Variants in ZNF385B observed in about 807,000 individuals in gnomAD.
The protein encoded by ZNF385B is zinc finger protein 533.
ZNF385B carries 23 observed loss-of-function variants against 39.2 expected under a neutral mutation model. That is an observed-to-expected ratio of 0.59 (90% CI 0.42 to 0.83). The LOEUF (loss-of-function observed/expected upper bound fraction) is 0.83, where lower values mean the gene tolerates loss of function less well. ZNF385B is among the 40% of genes least tolerant of loss of function. The pLI, the probability that ZNF385B is intolerant of heterozygous loss-of-function variation, is 0.00. For synonymous variants in ZNF385B, 205 were observed against 222.6 expected (o/e 0.92, Z 0.70); for missense variants, 552 against 598.9 (o/e 0.92, Z 0.82).
chr2:179,758,080 G>C (rs1208138534), intron 3 of ZNF385B, among the ~76,000 whole-genome samples: 1 of 152,078 alleles, frequency 6.6e-6, no homozygotes, highest in East Asian at 1.9e-4. Flanking sequence ...GAGTGGAGCT[G>C]TTCCTATTTG....
At chr2:179,820,036 T>G (rs182972188) in intron 1 of ZNF385B, among the ~76,000 whole-genome samples, 4 of 152,290 alleles carry the variant, frequency 2.6e-5, no homozygotes, top group Admixed American at 2.6e-4. Flanking sequence ...ACCCTTAGAA[T>G]GTTTATGTAT....
intron 1 of ZNF385B, among the ~76,000 whole-genome samples, chr2:179,827,112 A>C (rs544447667): frequency 6.6e-6 from 1 of 152,350 alleles, no homozygotes; most frequent in Non-Finnish European, 1.5e-5. Context: ...CAAGTACCAG[A>C]TACTTTATTA....
intron 4 of ZNF385B, among the ~76,000 whole-genome samples, chr2:179,542,511 ATAT>A (rs1559442948): frequency 3.7e-4 from 57 of 152,340 alleles, no homozygotes; most frequent in African/African-American, 1.3e-3. Flanking sequence ...TTTCTCAAAT[ATAT>A]CATAAGATTA....
At chr2:179,835,318 C>T (rs1399458692) in intron 1 of ZNF385B, among the ~76,000 whole-genome samples, 2 of 152,152 alleles carry the variant, frequency 1.3e-5, no homozygotes, top group Admixed American at 6.5e-5. Context: ...CGCAACTTTT[C>T]CATCTATTTG....
intron 1 of ZNF385B, among the ~76,000 whole-genome samples, chr2:179,832,471 TA>T (rs1708037395): frequency 6.6e-6 from 1 of 152,210 alleles, no homozygotes; most frequent in Non-Finnish European, 1.5e-5. Flanking sequence ...GGAATTTAGA[TA>T]AAAGCAAGTT....
intron 3 of ZNF385B, among the ~76,000 whole-genome samples, chr2:179,712,990 G>A (rs1373527019): frequency 6.6e-6 from 1 of 152,166 alleles, no homozygotes; most frequent in East Asian, 1.9e-4. Flanking sequence ...ACAGCAGTGA[G>A]CCACAGCATC....
chr2:179,794,550 T>C (rs1186713505), intron 1 of ZNF385B, among the ~76,000 whole-genome samples: 2 of 152,138 alleles, frequency 1.3e-5, no homozygotes, highest in East Asian at 3.9e-4. Context: ...GACGTTTTCT[T>C]CCCCCAAAGG....
At chr2:179,781,837 A>G (rs1575480515) in intron 1 of ZNF385B, among the ~76,000 whole-genome samples, 3 of 152,124 alleles carry the variant, frequency 2.0e-5, no homozygotes, top group Non-Finnish European at 2.9e-5. Flanking sequence ...TGTAAATAGC[A>G]TATCAATAAC....
At chr2:179,654,557 CTAAAA>C (rs1359189932) in intron 3 of ZNF385B, among the ~76,000 whole-genome samples, 1 of 152,076 alleles carries the variant, frequency 6.6e-6, no homozygotes, top group Admixed American at 6.6e-5. Flanking sequence ...CCTGTCTTAA[CTAAAA>C]TAAATAGGAA....
intron 3 of ZNF385B, among the ~76,000 whole-genome samples, chr2:179,670,494 C>CA (rs11464930): frequency 2.2e-4 from 33 of 147,570 alleles, no homozygotes; most frequent in African/African-American, 4.8e-4. Flanking sequence ...CAAAAACAAA[C>CA]AAAAAAAAAT....
chr2:179,689,783 A>ATGTGTGTGTG (rs112957152), intron 3 of ZNF385B, among the ~76,000 whole-genome samples: 22 of 130,014 alleles, frequency 1.7e-4, no homozygotes, highest in South Asian at 7.4e-4. Flanking sequence ...GGGCAGGGGC[A>ATGTGTGTGTG]TGTGTGTGTG....
chr2:179,722,939 A>G (rs1460865535), intron 3 of ZNF385B, among the ~76,000 whole-genome samples: 1 of 152,162 alleles, frequency 6.6e-6, no homozygotes, highest in Non-Finnish European at 1.5e-5. Flanking sequence ...ACAAATGGCC[A>G]AAAAACATGA....
chr2:179,776,235 T>A (rs544751578), intron 1 of ZNF385B, among the ~76,000 whole-genome samples: 1 of 152,124 alleles, frequency 6.6e-6, no homozygotes, highest in South Asian at 2.1e-4. Flanking sequence ...TCACTGTCAG[T>A]CTTACCAGAA....
intron 3 of ZNF385B, among the ~76,000 whole-genome samples, chr2:179,703,133 T>C (rs1440310894): frequency 6.6e-6 from 1 of 152,282 alleles, no homozygotes; most frequent in East Asian, 1.9e-4. Context: ...CTAACAATGC[T>C]ATAGCCATCT....
Position 179,446,883 on chromosome 2 carries a change from G to C in ZNF385B, c.716-113C>G, listed in dbSNP as rs572306432. 2.2e-5 allele frequency: 30 copies of C among 1,348,020 alleles called. No homozygotes were observed. The Admixed American group carries it at 3.7e-4, about 16-fold the overall frequency. The allele number at this position is 1,348,020 out of a possible 1,614,324, so 83.5% of individuals were successfully genotyped here. A position where few individuals can be genotyped will look rare whatever the true frequency, so the allele number is the denominator to read the frequency against. On this transcript the variant is annotated intron_variant, in intron 6 of 9. Coordinates refer to ENST00000410066, the MANE Select transcript of ZNF385B (RefSeq NM_152520.6). ...TTGATTCTTATGTGAAGTTTTTATT[G>C]CAGCATAGATTTCAGTTTATAGAGG...
rs750955987 is a variant in ZNF385B, at chr2:179,844,456, T to G, written c.-155+16645A>C. Among the ~76,000 whole-genome samples the G allele has an allele frequency of 4.1e-4, 63 of 152,284 alleles. 1 individual carries two copies. Among genetic ancestry groups the G allele is most frequent in the Non-Finnish European group, 7.5e-4 (51 of 68,020 alleles). On this transcript the variant is annotated intron_variant, in intron 1 of 9. Transcript: ENST00000410066. ...ATGGGGACTATGATAATGTCTGCCT[T>G]GCTATTAAATGATATAATACATGTT... is the stretch of plus-strand genomic sequence containing the variant.
In ZNF385B at chr2:179,516,239, C is replaced by T. The variant is rs529985273; in HGVS notation, c.552+2289G>A. Among the ~76,000 whole-genome samples, 4 of 152,224 alleles carry T rather than the reference C, an allele frequency of 2.6e-5. No homozygotes were observed. In the East Asian group the frequency reaches 5.8e-4, roughly 22 times the overall value. ...TTGGGCAATTATGAATAAAATTAAG[C>T]AGCACATATGGATTAATATATGTTT... On this transcript the variant is annotated intron_variant, in intron 5 of 9. Coordinates refer to ENST00000410066, the MANE Select transcript of ZNF385B (RefSeq NM_152520.6).
chr2:179,747,122 C>T (rs957072782), intron 3 of ZNF385B, among the ~76,000 whole-genome samples: 1 of 152,062 alleles, frequency 6.6e-6, no homozygotes, highest in African/African-American at 2.4e-5. Context: ...TCTAGTAATC[C>T]TACCAGCTCT....
chr2:179,756,098 G>A (rs1299427004), intron 3 of ZNF385B, among the ~76,000 whole-genome samples: 4 of 152,044 alleles, frequency 2.6e-5, no homozygotes, highest in Non-Finnish European at 5.9e-5. Context: ...AATTTGGCAT[G>A]TTTTTGTAGT....
Sources: gnomAD v4.1 joint callset for allele counts (sites outside exome capture counted in the v4.1 genomes callset) on GRCh38, gnomAD v4.1.1 for gene constraint, MANE v1.5 for transcripts, NCBI Gene and HGNC (gene_info 2026-07-23, HGNC 2026-07-21) for gene names.